Variants in MYCT1 observed in about 807,000 individuals in gnomAD.
MYCT1 encodes the protein MYC target 1, also known as myc target protein 1.
Under a neutral mutation model 15.0 loss-of-function variants are expected in MYCT1, and 12 were observed. The ratio of observed to expected loss-of-function variants is 0.80; its 90% CI spans 0.51 to 1.29. The LOEUF (loss-of-function observed/expected upper bound fraction) is 1.29, where lower values mean the gene tolerates loss of function less well. Among genes scored for constraint, MYCT1 ranks in the 50% most tolerant of loss-of-function variants. MYCT1 has a pLI of 0.00. For synonymous variants in MYCT1, 104 were observed against 102.7 expected (o/e 1.01, Z -0.07); for missense variants, 287 against 279.1 (o/e 1.03, Z -0.20).
chr6:152,708,303 T>A (rs2099722653), intron 1 of MYCT1, among the ~76,000 whole-genome samples: 1 of 152,056 alleles, frequency 6.6e-6, no homozygotes, highest in African/African-American at 2.4e-5. Flanking sequence ...AAACGTATTT[T>A]TATATATAAG....
At chr6:152,698,686 T>C (rs978891589) in intron 1 of MYCT1, among the ~76,000 whole-genome samples, 2 of 152,110 alleles carry the variant, frequency 1.3e-5, no homozygotes, top group South Asian at 2.1e-4. Context: ...AAATAAAACA[T>C]GGAATAATAT....
At chr6:152,729,176 G>A (rs192685219), downstream of MYCT1, among the ~76,000 whole-genome samples, 14 of 152,248 alleles carry the variant, frequency 9.2e-5, no homozygotes, top group Non-Finnish European at 1.3e-4. Flanking sequence ...TCTGAAAACC[G>A]CTATAAAAAT....
chr6:152,744,356 A>T, the MYCT1 span, among the ~76,000 whole-genome samples: 1 of 152,212 alleles, frequency 6.6e-6, no homozygotes, highest in African/African-American at 2.4e-5. Context: ...TAAAACATGC[A>T]GGCCTTCTGA....
chr6:152,703,365 C>T (rs572199658), intron 1 of MYCT1, among the ~76,000 whole-genome samples: 68 of 152,256 alleles, frequency 4.5e-4, no homozygotes, highest in African/African-American at 1.6e-3. Context: ...ATGCCATTCT[C>T]ATTAGTTTTT....
the MYCT1 span, among the ~76,000 whole-genome samples, chr6:152,743,710 C>G: frequency 6.6e-6 from 1 of 152,206 alleles, no homozygotes; most frequent in Non-Finnish European, 1.5e-5. Context: ...AGCTCCGCTA[C>G]TCATTGGAAG....
At position 152,702,804 on chromosome 6, in the gene MYCT1, A is replaced by C. The variant is rs974097808; in HGVS notation, c.196+4706A>C. 4.6e-5 allele frequency among the ~76,000 whole-genome samples: 7 copies of C among 152,212 alleles called. No individual in the cohort carries two copies. The South Asian group carries it at 8.3e-4, about 18-fold the overall frequency. ...GTTGCATATTAATAGTCTATTCATT[A>C]GTTCCCCTATCTCAGTTACCTAGAA... is the stretch of plus-strand genomic sequence containing the variant. On this transcript the variant is annotated intron_variant, in intron 1 of 1. Coordinates refer to ENST00000367245, the MANE Select transcript of MYCT1 (RefSeq NM_025107.3).
chr6:152,730,057 C>T, the MYCT1 span, among the ~76,000 whole-genome samples: 1 of 152,194 alleles, frequency 6.6e-6, no homozygotes, highest in Admixed American at 6.5e-5. Context: ...TGTAACCAGG[C>T]AGCTTAACTT....
intron 1 of MYCT1, among the ~76,000 whole-genome samples, chr6:152,714,703 C>A: frequency 6.6e-6 from 1 of 151,582 alleles, no homozygotes; most frequent in East Asian, 1.9e-4. Flanking sequence ...TCATAACTTA[C>A]AGATATTTTT....
the MYCT1 span, among the ~76,000 whole-genome samples, chr6:152,735,806 A>C: frequency 6.6e-6 from 1 of 152,128 alleles, no homozygotes; most frequent in Non-Finnish European, 1.5e-5. Flanking sequence ...CTTTGATGAG[A>C]TCAGGCACAC....
intron 1 of MYCT1, 109 bp from the exon 2 acceptor site, chr6:152,721,633 T>C: frequency 9.8e-7 from 1 of 1,019,054 alleles, no homozygotes; most frequent in Non-Finnish European, 1.4e-6. Flanking sequence ...ATTCAAAGTA[T>C]GTTTAAATTA....
the MYCT1 span, among the ~76,000 whole-genome samples, chr6:152,745,109 A>C: frequency 8.0e-4 from 122 of 152,220 alleles, 1 homozygote; most frequent in African/African-American, 2.8e-3. Flanking sequence ...TTCTAGGACA[A>C]ATCTCAAAGT....
chr6:152,707,412 A>G (rs2099722477), intron 1 of MYCT1, among the ~76,000 whole-genome samples: 1 of 151,992 alleles, frequency 6.6e-6, no homozygotes, highest in Non-Finnish European at 1.5e-5. Context: ...TTAACTTCTC[A>G]TCAGATATAC....
At position 152,722,007 on chromosome 6, in the gene MYCT1, T is replaced by C. The variant is rs537649130; in HGVS notation, c.462T>C (p.Asn154=). 5 of 1,614,154 alleles carry C rather than the reference T, an allele frequency of 3.1e-6. No homozygotes were observed. The highest frequency in any genetic ancestry group is 4.2e-6 in the Non-Finnish European group (5 of 1,180,030). Reference sequence around the variant, plus strand: ...GACAAGCTTCCCTGGAACAAGCAAATTCCTTTCCAAGAAAATCAAGTTTCA... The same window carrying C: ...GACAAGCTTCCCTGGAACAAGCAAACTCCTTTCCAAGAAAATCAAGTTTCA... The part of the protein sequence containing the change: ...FQRQASLEQA[N]SFPRKSSFRA... Residue 154 remains asparagine (N), a synonymous_variant, in exon 2 of 2, where the codon AAT becomes AAC. Transcript: ENST00000367245.
chr6:152,743,240 A>G, the MYCT1 span, among the ~76,000 whole-genome samples: 1 of 151,948 alleles, frequency 6.6e-6, no homozygotes, highest in Admixed American at 6.6e-5. Flanking sequence ...TGATTTTTGT[A>G]TTTATAGTAG....
the MYCT1 span, among the ~76,000 whole-genome samples, chr6:152,739,630 C>T: frequency 6.6e-6 from 1 of 151,820 alleles, no homozygotes; most frequent in Non-Finnish European, 1.5e-5. Context: ...CTATTCATAT[C>T]GTTTCTCCTT....
rs1219555052 is a variant in MYCT1, at chr6:152,722,275, GTTTC to G, written c.*29_*32del. ...CTGAGTAGGGTGGCTTTTGGTTTTTGTTTCTTTCTTGTCTTGTCTTTTATTGAAA... is the reference window on the plus strand; with the variant it reads ...CTGAGTAGGGTGGCTTTTGGTTTTTGTTTCTTGTCTTGTCTTTTATTGAAA... On this transcript the variant is annotated 3_prime_UTR_variant, in exon 2 of 2. Transcript: ENST00000367245. The G allele has an allele frequency of 2.5e-6, 4 of 1,572,136 alleles. No homozygotes were observed. Among genetic ancestry groups the G allele is most frequent in the Non-Finnish European group, 2.6e-6 (3 of 1,164,096 alleles).
Position 152,724,325 on chromosome 6 carries a change from G to T in MYCT1, c.*2072G>T, listed in dbSNP as rs926905300. On this transcript the variant is annotated 3_prime_UTR_variant, in exon 2 of 2. Transcript: ENST00000367245. ...TGGTTTTTATCAAGAATTTGTGTTG[G>T]GAGTAAAAACTGCTTTATAGCTCCC... 1 of 151,516 alleles carries T rather than the reference G, an allele frequency of 6.6e-6. No individual in the cohort carries two copies. 9.4% of individuals were successfully genotyped at this position (151,516 alleles called of 1,614,324 possible).
In MYCT1 at chr6:152,702,018, G is replaced by A. The variant is rs146393250; in HGVS notation, c.196+3920G>A. Among the ~76,000 whole-genome samples, 270 of 152,132 alleles carry A rather than the reference G, an allele frequency of 1.8e-3. 1 individual carries two copies. Among genetic ancestry groups the A allele is most frequent in the African/African-American group, 6.1e-3 (253 of 41,512 alleles). On this transcript the variant is annotated intron_variant, in intron 1 of 1. Transcript: ENST00000367245. Reference sequence around the variant, plus strand: ...TCAGATACCCAAGGGTTCTCAGAGCGGCTTGCCATCTTTCCCAGGAAGCTG... The same window carrying A: ...TCAGATACCCAAGGGTTCTCAGAGCAGCTTGCCATCTTTCCCAGGAAGCTG...
At chr6:152,730,870 G>A in the MYCT1 span, among the ~76,000 whole-genome samples, 1 of 152,092 alleles carries the variant, frequency 6.6e-6, no homozygotes, top group African/African-American at 2.4e-5. Flanking sequence ...AGAAATATGT[G>A]TCTAAGCATA....
Sources: allele counts gnomAD v4.1 joint callset (sites outside exome capture counted in the v4.1 genomes callset), GRCh38; gene constraint gnomAD v4.1.1; transcripts MANE v1.5; gene names NCBI Gene and HGNC (gene_info 2026-07-23, HGNC 2026-07-21).